NAALADL2: variants seen among roughly 807,000 people sequenced by gnomAD.
NAALADL2 encodes the protein N-acetylated alpha-linked acidic dipeptidase like 2, also known as inactive N-acetylated-alpha-linked acidic dipeptidase-like protein 2.
NAALADL2 carries 76 observed loss-of-function variants against 87.2 expected under a neutral mutation model. The observed-to-expected ratio is 0.87, with a 90% CI of 0.72 to 1.05. The LOEUF is 1.05. Among genes scored for constraint, NAALADL2 ranks in the 50% least tolerant of loss-of-function variants. NAALADL2 has a pLI of 0.00. For missense variants in NAALADL2, 1,089 were observed against 945.8 expected, an observed-to-expected ratio of 1.15 and a Z score of -1.99; for synonymous variants, 354 against 331.0, an observed-to-expected ratio of 1.07 and a Z score of -0.75.
intron 2 of NAALADL2, among the ~76,000 whole-genome samples, chr3:174,704,726 T>C (rs183791594): frequency 6.6e-6 from 1 of 152,230 alleles, no homozygotes; most frequent in East Asian, 1.9e-4. Flanking sequence ...TGGGAAAATA[T>C]TATCAATTCA....
chr3:174,613,925 C>T (rs1283468005), intron 2 of NAALADL2, among the ~76,000 whole-genome samples: 1 of 152,174 alleles, frequency 6.6e-6, no homozygotes, highest in Non-Finnish European at 1.5e-5. Flanking sequence ...CTGTGTTCTT[C>T]TCTTTAAGGC....
chr3:175,475,852 A>G (rs984146940), intron 9 of NAALADL2, among the ~76,000 whole-genome samples: 2 of 152,058 alleles, frequency 1.3e-5, no homozygotes, highest in African/African-American at 2.4e-5. Context: ...CAGGTAGCTA[A>G]TCCTATAGGC....
intron 9 of NAALADL2, among the ~76,000 whole-genome samples, chr3:175,555,541 AC>A: frequency 6.6e-6 from 1 of 152,294 alleles, no homozygotes; most frequent in South Asian, 2.1e-4. Context: ...AGCATTTCCT[AC>A]CCAACTGTAT....
intron 3 of NAALADL2, among the ~76,000 whole-genome samples, chr3:174,788,697 C>A (rs1373521845): frequency 1.3e-5 from 2 of 152,040 alleles, no homozygotes; most frequent in African/African-American, 2.4e-5. Flanking sequence ...TGAGGTAATA[C>A]AAGTCAGCCC....
intron 6 of NAALADL2, among the ~76,000 whole-genome samples, chr3:175,456,305 C>G (rs73884408): frequency 0.014 from 2,162 of 152,064 alleles, 39 homozygotes; most frequent in African/African-American, 0.048. Flanking sequence ...CTCTGACACC[C>G]CTCACCCTAT....
chr3:175,501,364 A>C (rs1729515350), intron 9 of NAALADL2, among the ~76,000 whole-genome samples: 1 of 151,936 alleles, frequency 6.6e-6, no homozygotes. Flanking sequence ...CTCCACAATT[A>C]TATTACCCTG....
intron 12 of NAALADL2, among the ~76,000 whole-genome samples, chr3:175,745,512 C>A (rs1299336462): frequency 6.6e-6 from 1 of 152,124 alleles, no homozygotes; most frequent in African/African-American, 2.4e-5. Context: ...CACTATAGAT[C>A]ATCTCTAGAT....
chr3:174,913,989 A>G (rs1307213659), intron 1 of NAALADL2, among the ~76,000 whole-genome samples: 2 of 151,932 alleles, frequency 1.3e-5, no homozygotes, highest in Admixed American at 1.3e-4. Context: ...TATAATCTCT[A>G]TAAGCAGGAG....
intron 1 of NAALADL2, among the ~76,000 whole-genome samples, chr3:175,032,208 T>A (rs1459262691): frequency 6.6e-6 from 1 of 152,004 alleles, no homozygotes; most frequent in Non-Finnish European, 1.5e-5. Flanking sequence ...TCCAGATGGG[T>A]ATTTCTAGTT....
chr3:174,515,769 A>G (rs565598958), intron 1 of NAALADL2, among the ~76,000 whole-genome samples: 1 of 152,114 alleles, frequency 6.6e-6, no homozygotes, highest in Non-Finnish European at 1.5e-5. Flanking sequence ...ATGTTTGGCA[A>G]CATTATTGAC....
At chr3:175,348,527 C>G (rs1763396998) in intron 5 of NAALADL2, among the ~76,000 whole-genome samples, 1 of 152,058 alleles carries the variant, frequency 6.6e-6, no homozygotes. Flanking sequence ...GTTGGCAGGG[C>G]CATGTTCCCC....
At chr3:175,007,435 T>G (rs565448089) in intron 1 of NAALADL2, among the ~76,000 whole-genome samples, 104 of 152,240 alleles carry the variant, frequency 6.8e-4, no homozygotes, top group African/African-American at 2.5e-3. Context: ...GGAGTAGAGT[T>G]GGGAAGATAA....
At chr3:175,110,785 G>T (rs1029739004) in intron 2 of NAALADL2, among the ~76,000 whole-genome samples, 3 of 151,888 alleles carry the variant, frequency 2.0e-5, no homozygotes, top group Middle Eastern at 6.8e-3. Context: ...ATAATTTGCT[G>T]ATTGGTTCAA....
At chr3:174,749,855 A>G (rs752086332) in intron 3 of NAALADL2, among the ~76,000 whole-genome samples, 3 of 152,166 alleles carry the variant, frequency 2.0e-5, no homozygotes, top group South Asian at 4.1e-4. Context: ...TAGTGCACTA[A>G]GTTGATCAAA....
chr3:174,886,365 T>C (rs142801726), intron 1 of NAALADL2, among the ~76,000 whole-genome samples: 3,174 of 152,214 alleles, frequency 0.021, 63 homozygotes, highest in Non-Finnish European at 0.032. Context: ...AGCAGCTGAT[T>C]AGATTGTGCC....
chr3:175,557,365 A>G (rs879029433), intron 9 of NAALADL2, among the ~76,000 whole-genome samples: 1 of 152,232 alleles, frequency 6.6e-6, no homozygotes, highest in African/African-American at 2.4e-5. Flanking sequence ...TAGGATATCC[A>G]TTACCTCAAG....
chr3:175,652,433 A>G (rs1232884422), intron 11 of NAALADL2, among the ~76,000 whole-genome samples: 9 of 151,928 alleles, frequency 5.9e-5, no homozygotes, highest in Non-Finnish European at 1.3e-4. Context: ...AAAATGTGCC[A>G]TAGTAATAAT....
chr3:174,635,849 T>A (rs1238562882), intron 2 of NAALADL2, among the ~76,000 whole-genome samples: 1 of 152,170 alleles, frequency 6.6e-6, no homozygotes, highest in Non-Finnish European at 1.5e-5. Flanking sequence ...TTTTTTGCAA[T>A]CTCTTTAGGA....
chr3:175,030,607 C>T (rs770019245), intron 1 of NAALADL2, among the ~76,000 whole-genome samples: 8 of 151,830 alleles, frequency 5.3e-5, no homozygotes, highest in African/African-American at 1.5e-4. Context: ...CTTTTACTTC[C>T]GTTAAGATAA....
Sources: gnomAD v4.1 joint callset for allele counts (sites outside exome capture counted in the v4.1 genomes callset) on GRCh38, gnomAD v4.1.1 for gene constraint, MANE v1.5 for transcripts, NCBI Gene and HGNC (gene_info 2026-07-23, HGNC 2026-07-21) for gene names.